Variants in HTR2C observed in about 807,000 individuals in gnomAD.
HTR2C encodes 5-hydroxytryptamine receptor 2C, also known as 5-hydroxytryptamine (serotonin) receptor 2C, G protein-coupled.
In HTR2C, 5 loss-of-function variants were observed where a neutral mutation model predicts 21.0. The ratio of observed to expected loss-of-function variants is 0.24; its 90% CI spans 0.12 to 0.50. The LOEUF (loss-of-function observed/expected upper bound fraction) is 0.50, where lower values mean the gene tolerates loss of function less well. HTR2C is among the 20% of genes least tolerant of loss of function. The pLI is 0.98. For synonymous variants in HTR2C, 150 were observed against 145.3 expected, an observed-to-expected ratio of 1.03 and a Z score of -0.23; for missense variants, 271 against 371.2, an observed-to-expected ratio of 0.73 and a Z score of 2.22.
intron 2 of HTR2C, among the ~76,000 whole-genome samples, chrX:114,671,246 T>C (rs1931368276): frequency 8.9e-6 from 1 of 111,884 alleles, no homozygotes; most frequent in Admixed American, 9.5e-5. Context: ...CTACCAAAAT[T>C]ATGGATGACT....
At chrX:114,742,914 A>G (rs782221360) in intron 4 of HTR2C, among the ~76,000 whole-genome samples, 6 of 51,962 alleles carry the variant, frequency 1.2e-4, no homozygotes, top group African/African-American at 7.0e-5. Context: ...AGAGTGTGAT[A>G]TTCCCCTTCC....
intron 4 of HTR2C, among the ~76,000 whole-genome samples, chrX:114,820,510 G>A (rs1444164368): frequency 2.7e-5 from 3 of 110,452 alleles, no homozygotes; most frequent in African/African-American, 9.9e-5. Flanking sequence ...TATATACAGT[G>A]TTTAGCTATT....
intron 2 of HTR2C, among the ~76,000 whole-genome samples, chrX:114,725,308 C>T (rs1211131292): frequency 2.5e-4 from 28 of 111,728 alleles, no homozygotes; most frequent in African/African-American, 8.1e-4. Context: ...TTGATCGCAT[C>T]GGCTCCTGAG....
intron 1 of HTR2C, among the ~76,000 whole-genome samples, chrX:114,606,180 GA>G (rs1928417539): frequency 9.0e-6 from 1 of 110,656 alleles, no homozygotes; most frequent in Admixed American, 9.6e-5. Flanking sequence ...GGGTGAAGGA[GA>G]AGGGGTTGGG....
chrX:114,754,382 T>A (rs1015423481), intron 4 of HTR2C, among the ~76,000 whole-genome samples: 19 of 112,082 alleles, frequency 1.7e-4, no homozygotes, highest in Non-Finnish European at 3.2e-4. Context: ...GGAATCACTG[T>A]ACCTGATATT....
chrX:114,752,465 C>T lies in HTR2C; in HGVS notation c.349+20858C>T, dbSNP rs781922315. Reference sequence around the variant, plus strand: ...CCTTTTGATTCTCTCAAAAGAAAAGCGCATGCCTTCTGGTCCACTGTACCA... The same window carrying T: ...CCTTTTGATTCTCTCAAAAGAAAAGTGCATGCCTTCTGGTCCACTGTACCA... On this transcript the variant is annotated intron_variant, in intron 4 of 5. Coordinates refer to ENST00000276198, the MANE Select transcript of HTR2C (RefSeq NM_000868.4). Among the ~76,000 whole-genome samples, 33 of 110,853 alleles carry T rather than the reference C, an allele frequency of 3.0e-4. No homozygotes were observed. In the South Asian group the frequency reaches 3.1e-3, roughly 10 times the overall value.
chrX:114,830,092 G>A (rs2070708051), intron 4 of HTR2C, among the ~76,000 whole-genome samples: 1 of 111,841 alleles, frequency 8.9e-6, no homozygotes, highest in African/African-American at 3.2e-5. Context: ...AATATTAAAT[G>A]TTCCAATCCA....
At chrX:114,779,847 G>C (rs1216697702) in intron 4 of HTR2C, among the ~76,000 whole-genome samples, 1 of 111,414 alleles carries the variant, frequency 9.0e-6, no homozygotes, top group Non-Finnish European at 1.9e-5. Flanking sequence ...TAAGATGATA[G>C]ACTAGGTTTT....
intron 2 of HTR2C, among the ~76,000 whole-genome samples, chrX:114,652,502 T>C (rs954282325): frequency 2.7e-5 from 3 of 109,675 alleles, no homozygotes; most frequent in Non-Finnish European, 3.8e-5. Context: ...GGGAAATGGA[T>C]TTATATAGAA....
At chrX:114,624,696 C>T (rs1929306578) in intron 2 of HTR2C, among the ~76,000 whole-genome samples, 1 of 111,930 alleles carries the variant, frequency 8.9e-6, no homozygotes, top group Admixed American at 9.5e-5. Flanking sequence ...AATGACCAAG[C>T]ATCTCTAGCA....
intron 5 of HTR2C, among the ~76,000 whole-genome samples, chrX:114,876,422 C>CTTTTTTTTTTTTTTTTTTTTTTTTT (rs60498146): frequency 9.5e-4 from 59 of 62,369 alleles, no homozygotes; most frequent in South Asian, 2.3e-3. Flanking sequence ...CTTTTTCTTT[C>CTTTTTTTTTTTTTTTTTTTTTTTTT]TTTTTTTTTT....
At chrX:114,786,611 A>T in intron 4 of HTR2C, among the ~76,000 whole-genome samples, 1 of 111,552 alleles carries the variant, frequency 9.0e-6, no homozygotes, top group Non-Finnish European at 1.9e-5. Flanking sequence ...TAGCTATTAT[A>T]TTACACTCTG....
intron 2 of HTR2C, among the ~76,000 whole-genome samples, chrX:114,699,366 T>C (rs1323754577): frequency 9.0e-6 from 1 of 111,126 alleles, no homozygotes; most frequent in Middle Eastern, 4.3e-3. Context: ...AATTAAACTT[T>C]CCATAGCTTC....
intron 2 of HTR2C, among the ~76,000 whole-genome samples, chrX:114,689,346 G>A (rs1932037159): frequency 9.3e-6 from 1 of 108,010 alleles, no homozygotes; most frequent in African/African-American, 3.4e-5. Flanking sequence ...TTCATATAAT[G>A]ACTTATTTTC....
At chrX:114,831,892 G>C (rs1296847063) in intron 4 of HTR2C, among the ~76,000 whole-genome samples, 2 of 88,454 alleles carry the variant, frequency 2.3e-5, no homozygotes, top group African/African-American at 8.3e-5. Flanking sequence ...GTAAGGAAGG[G>C]ATCCAGTTTC....
At chrX:114,893,487 A>G (rs2071274329) in intron 5 of HTR2C, among the ~76,000 whole-genome samples, 1 of 112,019 alleles carries the variant, frequency 8.9e-6, no homozygotes, top group South Asian at 3.6e-4. Context: ...TCTGAGGCTT[A>G]TGTACAAATT....
At chrX:114,614,798 C>T (rs1928889580) in intron 2 of HTR2C, among the ~76,000 whole-genome samples, 1 of 111,534 alleles carries the variant, frequency 9.0e-6, no homozygotes, top group African/African-American at 3.3e-5. Context: ...CTATAGATGT[C>T]TAGAGCATGA....
chrX:114,833,790 G>A (rs1556462286), intron 4 of HTR2C, among the ~76,000 whole-genome samples: 1 of 111,064 alleles, frequency 9.0e-6, no homozygotes, highest in African/African-American at 3.3e-5. Context: ...CAATTGTGAT[G>A]TTAGGGTGTC....
chrX:114,759,764 C>A (rs1460585653), intron 4 of HTR2C, among the ~76,000 whole-genome samples: 1 of 111,172 alleles, frequency 9.0e-6, no homozygotes, highest in Non-Finnish European at 1.9e-5. Context: ...TCTCTGGTAC[C>A]TTGCTTGCTC....
Sources: gnomAD v4.1 joint callset for allele counts (sites outside exome capture counted in the v4.1 genomes callset) on GRCh38, gnomAD v4.1.1 for gene constraint, MANE v1.5 for transcripts, NCBI Gene and HGNC (gene_info 2026-07-23, HGNC 2026-07-21) for gene names.